The following WDR44 variants were observed in gnomAD, a reference collection of about 807,000 sequenced individuals.
WDR44 encodes WD repeat-containing protein 44.
Under a neutral mutation model 65.7 loss-of-function variants are expected in WDR44, and 9 were observed. The ratio of observed to expected loss-of-function variants is 0.14; its 90% confidence interval spans 0.08 to 0.24. The LOEUF is 0.24. WDR44 is among the 10% of genes least tolerant of loss of function. The probability of loss-of-function intolerance (pLI) is 1.00; values close to 1 mark genes in which losing one functional copy is unlikely to be tolerated. For synonymous variants in WDR44, 220 were observed against 235.2 expected, an observed-to-expected ratio of 0.94 and a Z score of 0.59; for missense variants, 425 against 670.9, an observed-to-expected ratio of 0.63 and a Z score of 4.05.
intron 2 of WDR44, among the ~76,000 whole-genome samples, chrX:118,384,791 T>A (rs776208726): frequency 8.9e-6 from 1 of 112,096 alleles, no homozygotes; most frequent in Non-Finnish European, 1.9e-5. Flanking sequence ...TTAACGATAT[T>A]GATTCTTCCT....
intron 19 of WDR44, chrX:118,445,135 A>T (rs2057335889): frequency 4.2e-6 from 1 of 235,501 alleles, no homozygotes; most frequent in African/African-American, 3.0e-5. Flanking sequence ...CTCTACTAAA[A>T]ATACAAAAAA....
intron 11 of WDR44, among the ~76,000 whole-genome samples, chrX:118,410,264 A>G (rs937259688): frequency 4.5e-5 from 5 of 111,458 alleles, no homozygotes; most frequent in African/African-American, 1.6e-4. Context: ...AGTAAAGCAT[A>G]GGAGAAAGGA....
chrX:118,378,510 T>G, intron 2 of WDR44, 58 bp downstream of exon 2: 1 of 1,092,099 alleles, frequency 9.2e-7, no homozygotes, highest in Non-Finnish European at 1.3e-6. Context: ...TTATTCGTGT[T>G]TTTGTGTAAT....
intron 12 of WDR44, among the ~76,000 whole-genome samples, chrX:118,418,750 G>A (rs1394266279): frequency 9.0e-6 from 1 of 110,881 alleles, no homozygotes; most frequent in Non-Finnish European, 1.9e-5. Context: ...GAACTCTCAA[G>A]AGTATATGCC....
chrX:118,424,325 A>ATG (rs1556124521), intron 12 of WDR44, among the ~76,000 whole-genome samples: 2 of 62,449 alleles, frequency 3.2e-5, no homozygotes, highest in Non-Finnish European at 5.1e-5. Context: ...GTGTGTGTGT[A>ATG]TATATATATA....
At chrX:118,411,003 T>C in intron 12 of WDR44, 44 bp downstream of exon 12, 1 of 1,022,921 alleles carries the variant, frequency 9.8e-7, no homozygotes, top group African/African-American at 1.9e-5. Flanking sequence ...AGGTATGATT[T>C]AATTTGTTTA....
rs374801967 is a variant in WDR44, at chrX:118,378,505, C to T, written c.111+53C>T. ...TTTTAGAAATTGTATACTTTTTATT[C>T]GTGTTTTTGTGTAATTCTTCATTTT... On this transcript the variant is annotated intron_variant, in intron 2 of 19. Transcript: ENST00000254029. 5.6e-4 allele frequency: 623 copies of T among 1,104,934 alleles called. 3 individuals carry two copies. In the African/African-American group the frequency reaches 0.01, roughly 18 times the overall value. 91.1% of individuals were successfully genotyped at this position (1,104,934 alleles called of 1,213,427 possible).
chrX:118,449,153 A>G lies in WDR44; in HGVS notation c.*166A>G, dbSNP rs1297297547. The stretch of plus-strand genomic sequence containing the variant: ...TAATGATCTAGGAAACCCTGGGCTG[A>G]TAGAGTAGAAAGGAATATGGCTAGA... On this transcript the variant is annotated 3_prime_UTR_variant, in exon 20 of 20. Transcript: ENST00000254029. 5.9e-6 allele frequency: 2 copies of G among 338,089 alleles called. No homozygotes were observed. Among genetic ancestry groups the G allele is most frequent in the Non-Finnish European group, 1.0e-5 (2 of 191,348 alleles). 27.9% of individuals were successfully genotyped at this position (338,089 alleles called of 1,213,427 possible).
chrX:118,365,709 C>T (rs1378907397), intron 1 of WDR44, among the ~76,000 whole-genome samples: 2 of 111,417 alleles, frequency 1.8e-5, no homozygotes, highest in Non-Finnish European at 3.8e-5. Flanking sequence ...GCAATATTCT[C>T]TTTTATTCTA....
intron 2 of WDR44, among the ~76,000 whole-genome samples, 193 bp from the exon 3 acceptor site, chrX:118,387,147 A>G (rs1175103361): frequency 1.0e-5 from 1 of 97,876 alleles, no homozygotes; most frequent in African/African-American, 3.9e-5. Flanking sequence ...GTGCCACTGC[A>G]CTCCAGCCTG....
intron 1 of WDR44, among the ~76,000 whole-genome samples, chrX:118,364,699 T>G: frequency 8.9e-6 from 1 of 112,298 alleles, no homozygotes; most frequent in Non-Finnish European, 1.9e-5. Context: ...AGATTGTGGC[T>G]TTAGAAATAG....
intron 3 of WDR44, among the ~76,000 whole-genome samples, chrX:118,391,044 G>A (rs1473096398): frequency 9.0e-6 from 1 of 111,672 alleles, no homozygotes; most frequent in African/African-American, 3.3e-5. Context: ...ATGAGAATGT[G>A]TATACTAGGT....
intron 12 of WDR44, among the ~76,000 whole-genome samples, chrX:118,424,325 ATATATATATATATATATATATATG>A (rs2057136272): frequency 1.6e-5 from 1 of 62,449 alleles, no homozygotes; most frequent in Non-Finnish European, 2.5e-5. Flanking sequence ...GTGTGTGTGT[ATATATATATATATATATATATATG>A]TATATATATA....
chrX:118,415,223 G>T (rs754980617), intron 12 of WDR44, among the ~76,000 whole-genome samples: 13 of 111,267 alleles, frequency 1.2e-4, no homozygotes, highest in Non-Finnish European at 2.3e-4. Flanking sequence ...TCCCTGCTAT[G>T]AAACCCACTT....
rs2056348159 is a variant in WDR44 at position 118,346,251 on chromosome X, G to A, written c.-253G>A. The stretch of plus-strand genomic sequence containing the variant: ...GCTCCTTATACACCTATCACTGGGA[G>A]CGGTGGCAGCAACATTCCCTGGACC... On this transcript the variant is annotated 5_prime_UTR_variant, in exon 1 of 20. Transcript: ENST00000254029. 1 of 390,300 alleles carries A rather than the reference G, an allele frequency of 2.6e-6. No homozygotes were observed. The highest frequency in any genetic ancestry group is 2.6e-5 in the African/African-American group (1 of 37,746). The allele number at this position is 390,300 out of a possible 1,213,427, so 32.2% of individuals were successfully genotyped here.
chrX:118,404,498 A>C (rs1437905964), intron 9 of WDR44, 54 bp downstream of exon 9: 2 of 936,039 alleles, frequency 2.1e-6, no homozygotes, highest in African/African-American at 4.0e-5. Flanking sequence ...GTAATCGTCT[A>C]AATTTAGCCT....
intron 12 of WDR44, among the ~76,000 whole-genome samples, chrX:118,430,478 G>T (rs2057200159): frequency 9.3e-6 from 1 of 107,461 alleles, no homozygotes; most frequent in South Asian, 4.2e-4. Context: ...GAGGGCAGAG[G>T]TTGCAGTGAG....
At chrX:118,376,865 A>G (rs1024670699) in intron 1 of WDR44, among the ~76,000 whole-genome samples, 2 of 110,039 alleles carry the variant, frequency 1.8e-5, no homozygotes, top group Non-Finnish European at 1.9e-5. Flanking sequence ...TCAGCTGAGC[A>G]TGGTGGCACG....
At chrX:118,440,875 G>A (rs1176685749) in intron 14 of WDR44, among the ~76,000 whole-genome samples, 1 of 105,255 alleles carries the variant, frequency 9.5e-6, no homozygotes, top group Non-Finnish European at 1.9e-5. Context: ...GAATAGTGAG[G>A]TTTCTTATTG....
Sources: gnomAD v4.1 joint callset for allele counts (sites outside exome capture counted in the v4.1 genomes callset) on GRCh38, gnomAD v4.1.1 for gene constraint, MANE v1.5 for transcripts, NCBI Gene and HGNC (gene_info 2026-07-23, HGNC 2026-07-21) for gene names.